The following KLHL38 variants were observed in gnomAD, a reference collection of about 807,000 sequenced individuals.
KLHL38 encodes kelch-like protein 38.
A neutral mutation model predicts 39.6 loss-of-function variants in KLHL38; 38 were observed. The observed-to-expected ratio is 0.96, with a 90% CI of 0.74 to 1.26. The LOEUF (loss-of-function observed/expected upper bound fraction) is 1.26. KLHL38 is among the 50% of genes most tolerant of loss of function. The probability of loss-of-function intolerance (pLI) is 0.00; values close to 1 mark genes in which losing one functional copy is unlikely to be tolerated. For missense variants in KLHL38, 803 were observed against 748.1 expected (o/e 1.07, Z -0.86); for synonymous variants, 322 against 302.2 (o/e 1.07, Z -0.68).
Position 123,651,576 on chromosome 8 carries a change from C to G in KLHL38, c.1350+1G>C. On this transcript the variant is annotated splice_donor_variant, in intron 2 of 3. Coordinates refer to ENST00000684634, the MANE Select transcript of KLHL38 (RefSeq NM_001081675.3). LOFTEE classifies it high-confidence loss of function. Reference sequence around the variant, plus strand: ...CGTGATGGGAAGAACCGGCCATTTACCTGGATAAGGCGCACAGGGTTCTGC... The same window carrying G: ...CGTGATGGGAAGAACCGGCCATTTAGCTGGATAAGGCGCACAGGGTTCTGC... The G allele has an allele frequency of 1.3e-6, 2 of 1,557,090 alleles. No homozygotes were observed. The highest frequency in any genetic ancestry group is 2.2e-5 in the East Asian group (1 of 44,490).
chr8:123,648,209 A>G (rs1237073002), intron 2 of KLHL38, among the ~76,000 whole-genome samples: 3 of 152,246 alleles, frequency 2.0e-5, no homozygotes, highest in Non-Finnish European at 2.9e-5. Context: ...AGTTTAGAAC[A>G]TTGAGGCTCT....
At chr8:123,653,454 A>G (rs932843382) in intron 1 of KLHL38, among the ~76,000 whole-genome samples, 132 bp downstream of exon 1, 1 of 152,242 alleles carries the variant, frequency 6.6e-6, no homozygotes, top group African/African-American at 2.4e-5. Context: ...TGATGCATAT[A>G]TTTAAATATG....
intron 2 of KLHL38, among the ~76,000 whole-genome samples, chr8:123,649,331 G>A (rs758710125): frequency 1.3e-5 from 2 of 152,170 alleles, no homozygotes; most frequent in Non-Finnish European, 2.9e-5. Context: ...ATTTGGAACA[G>A]CGATTCTAGA....
chr8:123,647,979 G>C (rs1818691013), intron 2 of KLHL38, among the ~76,000 whole-genome samples: 1 of 152,184 alleles, frequency 6.6e-6, no homozygotes, highest in African/African-American at 2.4e-5. Flanking sequence ...TACTCAGGAG[G>C]CTGAGGTGGG....
chr8:123,653,318 A>C (rs548535801), intron 1 of KLHL38, among the ~76,000 whole-genome samples: 1 of 152,180 alleles, frequency 6.6e-6, no homozygotes, highest in African/African-American at 2.4e-5. Flanking sequence ...GATCGATGGC[A>C]TATCTGTTAT....
chr8:123,645,449 A>AAG lies in KLHL38; in HGVS notation c.*288_*289dup, dbSNP rs374414250. 13,046 of 322,958 alleles carry AAG rather than the reference A, an allele frequency of 0.04. 197 individuals carry two copies. Among genetic ancestry groups the AAG allele is most frequent in the African/African-American group, 0.07 (2,810 of 40,104 alleles). 20.0% of individuals were successfully genotyped at this position (322,958 alleles called of 1,614,324 possible). ...GAAACTCCATCTCAAAAAAAAGAAA[A>AAG]AGAGAGAGAGAGAGAGAGAGAGAGA... is the stretch of plus-strand genomic sequence containing the variant. On this transcript the variant is annotated 3_prime_UTR_variant, in exon 4 of 4. Transcript: ENST00000684634.
rs771396239 is a variant in KLHL38, at chr8:123,646,896, T to C, written c.1456+13A>G. 1 of 1,584,816 alleles carries C rather than the reference T, an allele frequency of 6.3e-7. No individual in the cohort carries two copies. The highest frequency in any genetic ancestry group is 1.3e-5 in the African/African-American group (1 of 74,208). On this transcript the variant is annotated intron_variant, in intron 3 of 3. Transcript: ENST00000684634. ...GTTTGTGTCACGCCCAGTGATCCTCTGTTCAGACTCACCTCCCACAATGAC... is the reference window on the plus strand; with the variant it reads ...GTTTGTGTCACGCCCAGTGATCCTCCGTTCAGACTCACCTCCCACAATGAC...
At chr8:123,651,514 G>A (rs1249939665) in intron 2 of KLHL38, 63 bp downstream of exon 2, 2 of 1,486,438 alleles carry the variant, frequency 1.3e-6, no homozygotes, top group South Asian at 2.7e-5. Context: ...GTGCAAGCAG[G>A]TGTGGGTGTG....
Position 123,652,684 on chromosome 8 carries a change from G to T in KLHL38, c.243C>A (p.Asp81Glu). The T allele has an allele frequency of 6.2e-7, 1 of 1,614,218 alleles. No homozygotes were observed. The highest frequency in any genetic ancestry group is 8.5e-7 in the Non-Finnish European group (1 of 1,180,034). The change falls in exon 2 of 4, where the codon GAC (aspartate) becomes GAA (glutamate). Residue 81 changes from aspartate (D) to glutamate (E), a missense_variant. Asp to Glu is a conservative substitution (Grantham distance 45, BLOSUM62 2). Coordinates refer to ENST00000684634, the MANE Select transcript of KLHL38 (RefSeq NM_001081675.3). ...AGACGATCTGGTCCAGGGTTGGGGG[G>T]TCAATGCCTTTCAGCTGCACTTTGG... ...SEAKVQLKGI[D>E]PPTLDQIVSY...
At position 123,646,021 on chromosome 8, in the gene KLHL38, T is replaced by C. The variant is rs187134220; in HGVS notation, c.1464A>G (p.Thr488=). 34 of 1,613,872 alleles carry C rather than the reference T, an allele frequency of 2.1e-5. No homozygotes were observed. In the East Asian group the frequency reaches 2.2e-4, roughly 11 times the overall value. ...GERIVIVGGY[T]RRILAYDPQS... Reference sequence around the variant, plus strand: ...GAGGGTCATAAGCAAGAATCCTCCTTGTGTAACCTGAAAACCAAATGACAC... The same window carrying C: ...GAGGGTCATAAGCAAGAATCCTCCTCGTGTAACCTGAAAACCAAATGACAC... Residue 488 remains threonine (T), a synonymous_variant, in exon 4 of 4, where the codon ACA becomes ACG. Transcript: ENST00000684634.
Position 123,652,654 on chromosome 8 carries a change from G to A in KLHL38, c.273C>T (p.Tyr91=), listed in dbSNP as rs1213606509. ...DPPTLDQIVS[Y]VYTGEAHIAT... ...CAATATGTGCCTCCCCCGTATACAC[G>A]TAGGAGACGATCTGGTCCAGGGTTG... Residue 91 remains tyrosine, a synonymous_variant, in exon 2 of 4, where the codon TAC becomes TAT. Transcript: ENST00000684634. 3.7e-6 allele frequency: 6 copies of A among 1,614,216 alleles called. No homozygotes were observed. Among genetic ancestry groups the A allele is most frequent in the Middle Eastern group, 1.6e-4 (1 of 6,062 alleles).
intron 3 of KLHL38, 75 bp from the exon 4 acceptor site, chr8:123,646,103 T>C (rs112652834): frequency 3.0e-6 from 4 of 1,340,972 alleles, no homozygotes; most frequent in South Asian, 2.5e-5. Context: ...CTGGGACGCG[T>C]CTGACTCCTG....
Position 123,653,324 on chromosome 8 carries a change from G to A in KLHL38, c.-2+262C>T, listed in dbSNP as rs114577418. On this transcript the variant is annotated intron_variant, in intron 1 of 3. Coordinates refer to ENST00000684634, the MANE Select transcript of KLHL38 (RefSeq NM_001081675.3). Reference sequence around the variant, plus strand: ...CTTTTTCCAGATCGATGGCATATCTGTTATTGAGTAACAGATGTCTAAACC... The same window carrying A: ...CTTTTTCCAGATCGATGGCATATCTATTATTGAGTAACAGATGTCTAAACC... Among the ~76,000 whole-genome samples the A allele has an allele frequency of 5.6e-3, 849 of 152,304 alleles. 10 individuals carry two copies. The highest frequency in any genetic ancestry group is 0.02 in the Middle Eastern group (6 of 294).
intron 3 of KLHL38, 136 bp from the exon 4 acceptor site, chr8:123,646,164 A>G (rs11786734): frequency 0.8 from 630,698 of 787,634 alleles, 253,525 homozygotes; most frequent in African/African-American, 0.82. Flanking sequence ...TGGGATGTTG[A>G]GCTAACCTGC....
At position 123,645,979 on chromosome 8, in the gene KLHL38, G is replaced by A; in HGVS notation, c.1506C>T (p.Val502=). 6.2e-7 allele frequency: 1 copy of A among 1,614,162 alleles called. No individual in the cohort carries two copies. The highest frequency in any genetic ancestry group is 1.1e-5 in the South Asian group (1 of 91,086). ...LAYDPQSNKF[V]KCADMKDRRM... ...TCCGGTCTTTCATGTCCGCACATTT[G>A]ACAAATTTGTTGGATTGAGGGTCAT... The change falls in exon 4 of 4, where the codon GTC becomes GTT. Residue 502 remains valine (V), a synonymous_variant. Transcript: ENST00000684634.
Position 123,652,101 on chromosome 8 carries a change from C to T in KLHL38, c.826G>A (p.Val276Ile), listed in dbSNP as rs1812657897. Residue 276 changes from valine (V) to isoleucine (I), a missense_variant, in exon 2 of 4, where the codon GTC (valine) becomes ATC (isoleucine). By Grantham distance (29) the Val-to-Ile change is conservative. Transcript: ENST00000684634. ...TCTTGGTAAGAGTTTCTTGGAGGGA[C>T]ATGCAACAGGAGTTTGCAGTCTGGG... ...TVPDCKLLLH[V>I]PPRNSYQDFL... 2 of 1,614,092 alleles carry T rather than the reference C, an allele frequency of 1.2e-6. No homozygotes were observed. Among genetic ancestry groups the T allele is most frequent in the Admixed American group, 1.7e-5 (1 of 60,018 alleles).
At chr8:123,650,086 A>C (rs1029481847) in intron 2 of KLHL38, among the ~76,000 whole-genome samples, 1 of 21,878 alleles carries the variant, frequency 4.6e-5, no homozygotes, top group Non-Finnish European at 9.8e-5. Flanking sequence ...CTCCTCTTTT[A>C]TTCTCCATCC....
At chr8:123,653,046 A>T in intron 1 of KLHL38, 119 bp from the exon 2 acceptor site, 3 of 964,670 alleles carry the variant, frequency 3.1e-6, no homozygotes, top group Non-Finnish European at 4.5e-6. Context: ...ATTCCCCATG[A>T]TGTTTGCGGA....
Position 123,652,834 on chromosome 8 carries a change from C to T in KLHL38, c.93G>A (p.Arg31=), listed in dbSNP as rs201130341. The T allele has an allele frequency of 5.6e-5, 91 of 1,611,804 alleles. No individual in the cohort carries two copies. The highest frequency in any genetic ancestry group is 1.6e-4 in the Middle Eastern group (1 of 6,084). Residue 31 remains arginine (R), a synonymous_variant, in exon 2 of 4, where the codon AGG becomes AGA. Coordinates refer to ENST00000684634, the MANE Select transcript of KLHL38 (RefSeq NM_001081675.3). ...LRQLNSLRQS[R]ILTDVSICAG... is the part of the protein sequence containing the mutation. ...CACAGATGCTCACATCAGTCAGGAT[C>T]CTGCTTTGCCTTAAGCTGTTGAGCT...
Sources: allele counts gnomAD v4.1 joint callset (sites outside exome capture counted in the v4.1 genomes callset), GRCh38; gene constraint gnomAD v4.1.1; transcripts MANE v1.5; gene names NCBI Gene and HGNC (gene_info 2026-07-23, HGNC 2026-07-21).